Variants in KIF24 observed in about 807,000 individuals in gnomAD.
KIF24 encodes kinesin-like protein KIF24.
In KIF24, 81 loss-of-function variants were observed where a neutral mutation model predicts 118.9. The observed-to-expected ratio is 0.68, with a 90% CI of 0.57 to 0.82. The LOEUF (loss-of-function observed/expected upper bound fraction) is 0.82, where lower values mean the gene tolerates loss of function less well. KIF24 is among the 40% of genes least tolerant of loss of function. The pLI is 0.00. For missense variants in KIF24, 1,560 were observed against 1,661.6 expected (o/e 0.94, Z 1.06); for synonymous variants, 599 against 610.0 (o/e 0.98, Z 0.27).
chr9:34,272,041 T>C, intron 6 of KIF24, 111 bp from the exon 7 acceptor site: 1 of 953,314 alleles, frequency 1.0e-6, no homozygotes. Flanking sequence ...GTCAGTGCAC[T>C]GCAGTTTTTT....
intron 8 of KIF24, among the ~76,000 whole-genome samples, chr9:34,266,620 G>A (rs1249203122): frequency 6.6e-6 from 1 of 150,984 alleles, no homozygotes; most frequent in Non-Finnish European, 1.5e-5. Flanking sequence ...AGAGGTTGCA[G>A]TGAGCCAAGA....
chr9:34,308,839 G>A (rs913875143), intron 2 of KIF24, among the ~76,000 whole-genome samples: 3 of 152,084 alleles, frequency 2.0e-5, no homozygotes, highest in African/African-American at 7.2e-5. Context: ...CAGTGCTTTG[G>A]GAAGCTGAGG....
chr9:34,282,676 A>G (rs887843323), intron 6 of KIF24: 15 of 152,032 alleles, frequency 9.9e-5, no homozygotes, highest in African/African-American at 2.9e-4. Context: ...TACACTTTCT[A>G]TTCTGAACCA....
At chr9:34,284,915 A>C (rs1269316790) in intron 6 of KIF24, among the ~76,000 whole-genome samples, 1 of 152,212 alleles carries the variant, frequency 6.6e-6, no homozygotes, top group Non-Finnish European at 1.5e-5. Flanking sequence ...AGTAAGGAAA[A>C]AAAGGCTCCA....
In KIF24 at chr9:34,253,385, AAG is replaced by A. The variant is rs2131646772; in HGVS notation, c.*993_*994del. ...CTGTCCTGAGCTGCTTCCTGCTAAAAAGATACACAGCAGGCAGAACTTGGCTG... is the reference window on the plus strand; with the variant it reads ...CTGTCCTGAGCTGCTTCCTGCTAAAAATACACAGCAGGCAGAACTTGGCTG... On this transcript the variant is annotated 3_prime_UTR_variant, in exon 13 of 13. Transcript: ENST00000402558. The A allele has an allele frequency of 6.6e-6, 1 of 152,410 alleles. No individual in the cohort carries two copies. Among genetic ancestry groups the A allele is most frequent in the African/African-American group, 2.4e-5 (1 of 41,600 alleles). 9.4% of individuals were successfully genotyped at this position (152,410 alleles called of 1,614,324 possible).
chr9:34,314,365 C>T (rs963902298), intron 1 of KIF24, among the ~76,000 whole-genome samples: 1 of 151,892 alleles, frequency 6.6e-6, no homozygotes, highest in Non-Finnish European at 1.5e-5. Context: ...GAGGTTTCAC[C>T]ATGTTGGCCA....
rs750366833 is a variant in KIF24, at chr9:34,311,279, G to A, written c.68C>T (p.Ala23Val). The change falls in exon 2 of 13, where the codon GCC becomes GTC. Residue 23 changes from alanine (A) to valine (V), a missense_variant. Ala to Val is a moderately conservative substitution (Grantham distance 64, BLOSUM62 0). Coordinates refer to ENST00000402558, the MANE Select transcript of KIF24 (RefSeq NM_194313.4). The stretch of plus-strand genomic sequence containing the variant: ...TTCATCTATTTTCTGAAGGCCAAGG[G>A]CAGTGAAATGAGAATAATACTGTGC... ...ELAQYYSHFT[A>V]LGLQKIDELA... is the part of the protein sequence containing the mutation. 7 of 1,610,922 alleles carry A rather than the reference G, an allele frequency of 4.3e-6. No homozygotes were observed. The highest frequency in any genetic ancestry group is 8.5e-7 in the Non-Finnish European group (1 of 1,177,926).
intron 3 of KIF24, among the ~76,000 whole-genome samples, chr9:34,299,373 G>A (rs985627050): frequency 4.0e-5 from 6 of 151,632 alleles, no homozygotes; most frequent in Admixed American, 4.0e-4. Context: ...TAAAGACGGG[G>A]GTCTCATCAT....
At chr9:34,320,737 G>A (rs1837493931) in intron 1 of KIF24, among the ~76,000 whole-genome samples, 1 of 151,384 alleles carries the variant, frequency 6.6e-6, no homozygotes, top group Non-Finnish European at 1.5e-5. Flanking sequence ...CCTTGGGAAG[G>A]AGGGGAGAGG....
At chr9:34,331,709 T>C (rs1344670984), upstream of KIF24, among the ~76,000 whole-genome samples, 1 of 152,152 alleles carries the variant, frequency 6.6e-6, no homozygotes, top group Non-Finnish European at 1.5e-5. Context: ...AAAAAGTAAA[T>C]TCCCACCTTG....
At chr9:34,316,623 T>C (rs1271742956) in intron 1 of KIF24, among the ~76,000 whole-genome samples, 2 of 152,240 alleles carry the variant, frequency 1.3e-5, no homozygotes, top group Non-Finnish European at 2.9e-5. Flanking sequence ...ATAGTCCACA[T>C]CCATACTACT....
chr9:34,303,924 A>G (rs7862080), intron 3 of KIF24, among the ~76,000 whole-genome samples: 114,619 of 152,088 alleles, frequency 0.75, 43,769 homozygotes, highest in East Asian at 0.95. Flanking sequence ...TTTGTAATAT[A>G]ACATCTGCAT....
At chr9:34,311,709 C>CGT (rs1491239285) in intron 1 of KIF24, among the ~76,000 whole-genome samples, 8 of 141,032 alleles carry the variant, frequency 5.7e-5, no homozygotes, top group Non-Finnish European at 1.2e-4. Flanking sequence ...TACATATATA[C>CGT]GTATATATGT....
chr9:34,327,571 C>T (rs948563119), intron 1 of KIF24, among the ~76,000 whole-genome samples: 14 of 152,050 alleles, frequency 9.2e-5, no homozygotes, highest in African/African-American at 2.9e-4. Flanking sequence ...ACGGGGTGAA[C>T]ACTCAATAAA....
At chr9:34,323,588 C>T (rs1389863206) in intron 1 of KIF24, among the ~76,000 whole-genome samples, 1 of 152,172 alleles carries the variant, frequency 6.6e-6, no homozygotes, top group African/African-American at 2.4e-5. Flanking sequence ...TTTTGCCACA[C>T]TGCAGTCATA....
Position 34,318,838 on chromosome 9 carries a change from C to A in KIF24, c.-25-7467G>T. On this transcript the variant is annotated intron_variant, in intron 1 of 12. Coordinates refer to ENST00000402558, the MANE Select transcript of KIF24 (RefSeq NM_194313.4). The surrounding 1 kb of genome is among the most constrained non-coding windows in gnomAD (Gnocchi z 4.9). ...CCAGCTCAGTGAGTTTCGCTGATGA[C>A]TTCGTGCGCAGCAGCAAGCAGCACT... 1 of 1,600,966 alleles carries A rather than the reference C, an allele frequency of 6.2e-7. No individual in the cohort carries two copies. Among genetic ancestry groups the A allele is most frequent in the Non-Finnish European group, 8.5e-7 (1 of 1,169,752 alleles).
At chr9:34,300,083 C>A (rs1836641096) in intron 3 of KIF24, among the ~76,000 whole-genome samples, 1 of 151,910 alleles carries the variant, frequency 6.6e-6, no homozygotes, top group South Asian at 2.1e-4. Context: ...GTTGTGTGTA[C>A]CATTACATTA....
chr9:34,255,334 AG>A (rs1317127956), intron 11 of KIF24, among the ~76,000 whole-genome samples, 169 bp from the exon 12 acceptor site: 1 of 151,962 alleles, frequency 6.6e-6, no homozygotes, highest in African/African-American at 2.4e-5. Context: ...GCTCTTTCTC[AG>A]GATTAGGTAA....
intron 4 of KIF24, among the ~76,000 whole-genome samples, chr9:34,292,388 T>C (rs535308873): frequency 5.4e-4 from 82 of 152,322 alleles, no homozygotes; most frequent in African/African-American, 1.9e-3. Flanking sequence ...TTTCCCCTTT[T>C]ATTTGCTCTC....
Sources: gnomAD v4.1 joint callset for allele counts (sites outside exome capture counted in the v4.1 genomes callset) on GRCh38, gnomAD v4.1.1 for gene constraint, Gnocchi (gnomAD v3.1) non-coding constraint, MANE v1.5 for transcripts, NCBI Gene and HGNC (gene_info 2026-07-23, HGNC 2026-07-21) for gene names.